The following GRIK4 variants were observed in gnomAD, a reference collection of about 807,000 sequenced individuals.
GRIK4 encodes the protein glutamate ionotropic receptor kainate type subunit 4.
GRIK4 carries 40 observed loss-of-function variants against 104.9 expected under a neutral mutation model. The ratio of observed to expected loss-of-function variants is 0.38; its 90% CI spans 0.30 to 0.50. The LOEUF is 0.50. GRIK4 is among the 20% of genes least tolerant of loss of function. GRIK4 has a pLI of 0.93. For missense variants in GRIK4, 1,047 were observed against 1,308.1 expected (o/e 0.80, Z 3.08); for synonymous variants, 485 against 524.9 (o/e 0.92, Z 1.04).
At chr11:120,695,314 G>A (rs949547535) in intron 3 of GRIK4, among the ~76,000 whole-genome samples, 1 of 152,242 alleles carries the variant, frequency 6.6e-6, no homozygotes, top group Admixed American at 6.5e-5. Flanking sequence ...CTGGCATTGG[G>A]CAGCTCTCCC....
intron 3 of GRIK4, among the ~76,000 whole-genome samples, chr11:120,779,825 A>G (rs1952116138): frequency 6.6e-6 from 1 of 152,190 alleles, no homozygotes; most frequent in African/African-American, 2.4e-5. Context: ...TAGCACATGA[A>G]AGGTGATTTA....
intron 4 of GRIK4, among the ~76,000 whole-genome samples, chr11:120,807,604 TGAG>T (rs926014388): frequency 6.6e-5 from 10 of 152,158 alleles, no homozygotes; most frequent in African/African-American, 2.4e-4. Flanking sequence ...CTCTGAGAAG[TGAG>T]GGCTAGCATC....
chr11:120,634,943 C>A (rs1335323536), intron 1 of GRIK4, among the ~76,000 whole-genome samples: 1 of 152,180 alleles, frequency 6.6e-6, no homozygotes, highest in African/African-American at 2.4e-5. Context: ...CCCCCTTGCA[C>A]CTCAGTTGAG....
At chr11:120,701,935 C>T (rs1591817452) in intron 3 of GRIK4, among the ~76,000 whole-genome samples, 1 of 140,954 alleles carries the variant, frequency 7.1e-6, no homozygotes, top group Admixed American at 7.3e-5. Context: ...AGAGACAGAT[C>T]AAGGGTGATT....
intron 3 of GRIK4, among the ~76,000 whole-genome samples, chr11:120,739,285 T>C (rs1336865222): frequency 2.6e-5 from 4 of 152,232 alleles, no homozygotes; most frequent in Non-Finnish European, 5.9e-5. Context: ...GTTCCTATGC[T>C]TAAAATGCTT....
At chr11:120,968,488 G>C (rs1944421122) in intron 19 of GRIK4, among the ~76,000 whole-genome samples, 1 of 152,226 alleles carries the variant, frequency 6.6e-6, no homozygotes, top group Non-Finnish European at 1.5e-5. Context: ...TTTCTGCTCA[G>C]CATGAATGAT....
At chr11:120,979,034 A>G (rs929855059) in intron 19 of GRIK4, among the ~76,000 whole-genome samples, 4 of 152,238 alleles carry the variant, frequency 2.6e-5, no homozygotes, top group African/African-American at 7.2e-5. Context: ...AATAGCAAGA[A>G]CAAAAGTGTA....
At chr11:120,610,229 C>G (rs1949017483) in intron 1 of GRIK4, among the ~76,000 whole-genome samples, 1 of 152,204 alleles carries the variant, frequency 6.6e-6, no homozygotes, top group South Asian at 2.1e-4. Context: ...CTGATTTGCT[C>G]CCTTCCCCCA....
intron 11 of GRIK4, among the ~76,000 whole-genome samples, chr11:120,894,019 A>G (rs1036453787): frequency 2.6e-5 from 4 of 152,162 alleles, no homozygotes; most frequent in Admixed American, 6.5e-5. Context: ...TCCATCTCAG[A>G]GAAGAAGAGA....
chr11:120,725,116 A>G (rs1951005653), intron 3 of GRIK4, among the ~76,000 whole-genome samples: 1 of 152,204 alleles, frequency 6.6e-6, no homozygotes, highest in Non-Finnish European at 1.5e-5. Context: ...AATAAATTTT[A>G]TTTCAGAATA....
chr11:120,612,741 C>T (rs894036196), intron 1 of GRIK4, among the ~76,000 whole-genome samples: 5 of 152,156 alleles, frequency 3.3e-5, no homozygotes, highest in Non-Finnish European at 7.4e-5. Context: ...CCCTCATTAT[C>T]GGGCTACTTT....
At chr11:120,863,512 T>C (rs1325760368) in intron 9 of GRIK4, among the ~76,000 whole-genome samples, 1 of 152,234 alleles carries the variant, frequency 6.6e-6, no homozygotes, top group East Asian at 1.9e-4. Context: ...ATGACTGTAG[T>C]TACTAGGTAT....
intron 1 of GRIK4, among the ~76,000 whole-genome samples, chr11:120,548,752 A>T (rs923006097): frequency 6.6e-6 from 1 of 152,102 alleles, no homozygotes; most frequent in Non-Finnish European, 1.5e-5. Context: ...GGGGCTGCCT[A>T]CCCCAGCTCC....
chr11:120,826,094 T>G (rs1953251894), intron 6 of GRIK4, among the ~76,000 whole-genome samples: 1 of 152,234 alleles, frequency 6.6e-6, no homozygotes. Context: ...GTTTTTATAT[T>G]ATCTCATTTA....
At position 120,686,799 on chromosome 11, in the gene GRIK4, T is replaced by C. The variant is rs116463251; in HGVS notation, c.82+26399T>C. ...CATGAGCATACACCACCTGGGAAAC[T>C]GAAGGTGGTGATCCACGCATAGGCA... On this transcript the variant is annotated intron_variant, in intron 3 of 20. Coordinates refer to ENST00000527524, the MANE Select transcript of GRIK4 (RefSeq NM_014619.5). Among the ~76,000 whole-genome samples, 1,053 of 152,330 alleles carry C rather than the reference T, an allele frequency of 6.9e-3. 11 individuals are homozygous for C. The highest frequency in any genetic ancestry group is 0.024 in the African/African-American group (981 of 41,566).
chr11:120,514,111 G>C (rs1326515009), intron 1 of GRIK4, among the ~76,000 whole-genome samples: 1 of 152,152 alleles, frequency 6.6e-6, no homozygotes, highest in Admixed American at 6.5e-5. Flanking sequence ...CCCTGGGTTG[G>C]GGGAGAGACT....
At chr11:120,533,320 C>G (rs1257814133) in intron 1 of GRIK4, among the ~76,000 whole-genome samples, 1 of 152,220 alleles carries the variant, frequency 6.6e-6, no homozygotes, top group African/African-American at 2.4e-5. Flanking sequence ...TGCACACTCA[C>G]TAAGCATTGG....
chr11:120,748,716 C>T (rs1157623660), intron 3 of GRIK4, among the ~76,000 whole-genome samples: 2 of 152,206 alleles, frequency 1.3e-5, no homozygotes, highest in Non-Finnish European at 2.9e-5. Flanking sequence ...CACCCAATCC[C>T]TCTGTAAAGC....
At chr11:120,814,759 A>C (rs993156243) in intron 4 of GRIK4, among the ~76,000 whole-genome samples, 1 of 152,222 alleles carries the variant, frequency 6.6e-6, no homozygotes, top group African/African-American at 2.4e-5. Context: ...GGGAGGGAAC[A>C]TGCCAGGCTT....
Sources: gnomAD v4.1 joint callset for allele counts (sites outside exome capture counted in the v4.1 genomes callset) on GRCh38, gnomAD v4.1.1 for gene constraint, MANE v1.5 for transcripts, NCBI Gene and HGNC (gene_info 2026-07-23, HGNC 2026-07-21) for gene names.